Variants in PCDHGB1 observed in about 807,000 individuals in gnomAD.
PCDHGB1 encodes the protein protocadherin gamma-B1.
In PCDHGB1, 34 loss-of-function variants were observed where a neutral mutation model predicts 56.6. The observed-to-expected ratio is 0.60, with a 90% CI of 0.46 to 0.80. The LOEUF (loss-of-function observed/expected upper bound fraction) is 0.80, where lower values mean the gene tolerates loss of function less well. PCDHGB1 is among the 30% of genes least tolerant of loss of function. The pLI is 0.00. For synonymous variants in PCDHGB1, 561 were observed against 505.9 expected (o/e 1.11, Z -1.46); for missense variants, 1,278 against 1,204.6 (o/e 1.06, Z -0.90).
intron 1 of PCDHGB1, chr5:141,418,768 T>C (rs1216316680): frequency 6.2e-7 from 1 of 1,613,712 alleles, no homozygotes; most frequent in Non-Finnish European, 8.5e-7. Context: ...ACATTCTAAC[T>C]CAGCAGCCTT....
intron 1 of PCDHGB1, chr5:141,441,751 A>G (rs946329290): frequency 5.3e-6 from 2 of 378,094 alleles, no homozygotes; most frequent in African/African-American, 2.2e-5. Flanking sequence ...CTCGGCGTCA[A>G]CGTGAGCCTG....
intron 1 of PCDHGB1, chr5:141,395,523 C>A: frequency 7.5e-6 from 3 of 400,150 alleles, no homozygotes; most frequent in Non-Finnish European, 1.3e-5. Flanking sequence ...CCCGTCCATA[C>A]TGGTAATTTT....
At chr5:141,352,725 C>T (rs773412097) in intron 1 of PCDHGB1, 56 bp downstream of exon 1, 4 of 1,528,522 alleles carry the variant, frequency 2.6e-6, no homozygotes, top group Non-Finnish European at 3.5e-6. Flanking sequence ...CGCGGTGGCT[C>T]AAGCCTGTAA....
At chr5:141,398,023 G>C in intron 1 of PCDHGB1, 1 of 1,438,566 alleles carries the variant, frequency 7.0e-7, no homozygotes, top group Non-Finnish European at 9.3e-7. Context: ...TCCTAAACTG[G>C]AACTGGAACT....
chr5:141,357,010 C>T (rs1340112030), intron 1 of PCDHGB1: 2 of 1,614,032 alleles, frequency 1.2e-6, no homozygotes, highest in Admixed American at 3.3e-5. Flanking sequence ...GAATGCCTGG[C>T]TGTCCTACAG....
intron 1 of PCDHGB1, chr5:141,478,367 C>T (rs2099451272): frequency 1.2e-6 from 2 of 1,613,750 alleles, no homozygotes; most frequent in South Asian, 2.2e-5. Context: ...GCGGGGAGGC[C>T]TGATGTCGCC....
At chr5:141,366,324 C>G in intron 1 of PCDHGB1, 1 of 1,613,838 alleles carries the variant, frequency 6.2e-7, no homozygotes, top group Non-Finnish European at 8.5e-7. Context: ...GTTGCCGTGG[C>G]CGACAGGATC....
rs958652662 is a variant in PCDHGB1, at chr5:141,494,839, T to C, written c.2442T>C (p.Ser814=). 6.2e-7 allele frequency: 1 copy of C among 1,614,106 alleles called. No individual in the cohort carries two copies. Among genetic ancestry groups the C allele is most frequent in the Non-Finnish European group, 8.5e-7 (1 of 1,180,016 alleles). ...QAPPNTDWRF[S]QAQRPGTSGS... ...CGCCCAACACGGACTGGCGTTTCTC[T>C]CAGGCCCAGAGACCCGGCACCAGCG... The change falls in exon 2 of 4, where the codon TCT becomes TCC. Residue 814 remains serine (S), a synonymous_variant. Coordinates refer to ENST00000523390, the MANE Select transcript of PCDHGB1 (RefSeq NM_018922.3).
At chr5:141,434,337 C>T (rs939910421) in intron 1 of PCDHGB1, among the ~76,000 whole-genome samples, 13 of 152,230 alleles carry the variant, frequency 8.5e-5, no homozygotes, top group African/African-American at 2.4e-4. Context: ...CTCTTTGTGT[C>T]GGGAACAGGC....
intron 1 of PCDHGB1, among the ~76,000 whole-genome samples, chr5:141,381,616 A>G (rs187813287): frequency 6.6e-6 from 1 of 152,230 alleles, no homozygotes; most frequent in Non-Finnish European, 1.5e-5. Context: ...ACAGCCCAGT[A>G]GGATCTCTGC....
At chr5:141,413,858 G>A (rs751172785) in intron 1 of PCDHGB1, 28 of 1,613,140 alleles carry the variant, frequency 1.7e-5, no homozygotes, top group African/African-American at 4.0e-5. Context: ...CTCCGATCTG[G>A]CACTGTCCTT....
intron 1 of PCDHGB1, chr5:141,362,561 G>A (rs1416019755): frequency 1.2e-6 from 2 of 1,608,622 alleles, no homozygotes; most frequent in Middle Eastern, 1.7e-4. Context: ...TTGAAGGTGA[G>A]CTTTAATTAA....
In PCDHGB1 at chr5:141,385,264, G is replaced by C. The variant is rs879420336; in HGVS notation, c.2409+32595G>C. 3 of 1,613,712 alleles carry C rather than the reference G, an allele frequency of 1.9e-6. No individual in the cohort carries two copies. In the African/African-American group the frequency reaches 4.0e-5, roughly 22 times the overall value. The stretch of plus-strand genomic sequence containing the variant: ...CAGCCAGGAGAGCTGTGAGAAAAAT[G>C]ATTCTTTGCTAACATCCGTAGATTT... On this transcript the variant is annotated intron_variant, in intron 1 of 3. Transcript: ENST00000523390.
At chr5:141,467,167 C>T (rs2099138606) in intron 1 of PCDHGB1, among the ~76,000 whole-genome samples, 1 of 151,832 alleles carries the variant, frequency 6.6e-6, no homozygotes, top group Non-Finnish European at 1.5e-5. Context: ...ATTCTCATCT[C>T]TCAGCCTCCC....
At chr5:141,361,236 C>A in intron 1 of PCDHGB1, 3 of 1,613,946 alleles carry the variant, frequency 1.9e-6, no homozygotes, top group Non-Finnish European at 2.5e-6. Flanking sequence ...CAGTGATCGC[C>A]TTGATAAAAA....
intron 1 of PCDHGB1, chr5:141,364,707 T>C: frequency 5.6e-6 from 9 of 1,613,986 alleles, no homozygotes; most frequent in Non-Finnish European, 7.6e-6. Flanking sequence ...ATAATCGATA[T>C]TAATGATAAC....
chr5:141,492,501 G>A (rs551410616), intron 1 of PCDHGB1, among the ~76,000 whole-genome samples: 8 of 152,302 alleles, frequency 5.3e-5, no homozygotes, highest in East Asian at 1.9e-4. Flanking sequence ...CGAGGACTCC[G>A]GAGCCTCCTC....
chr5:141,462,070 G>C lies in PCDHGB1; in HGVS notation c.2410-32737G>C, dbSNP rs572217894. Among the ~76,000 whole-genome samples, 18 of 152,196 alleles carry C rather than the reference G, an allele frequency of 1.2e-4. No individual in the cohort carries two copies. In the South Asian group the frequency reaches 3.7e-3, roughly 32 times the overall value. On this transcript the variant is annotated intron_variant, in intron 1 of 3. Coordinates refer to ENST00000523390, the MANE Select transcript of PCDHGB1 (RefSeq NM_018922.3). ...ACTCCCGACCTCAGGTGATCTGCCC[G>C]CCTTGGCCTCCCAAAATGCTGGGAT...
Position 141,493,775 on chromosome 5 carries a change from G to A in PCDHGB1, c.2410-1032G>A, listed in dbSNP as rs1434978072. ...CCTTGAGTGAGCCACTGGCAGTTCCGGAGCTTCCTTCTCCCTGGAGTAATC... is the reference window on the plus strand; with the variant it reads ...CCTTGAGTGAGCCACTGGCAGTTCCAGAGCTTCCTTCTCCCTGGAGTAATC... On this transcript the variant is annotated intron_variant, in intron 1 of 3. Coordinates refer to ENST00000523390, the MANE Select transcript of PCDHGB1 (RefSeq NM_018922.3). The surrounding 1 kb of genome is among the most constrained non-coding windows in gnomAD (Gnocchi z 4.3). Among the ~76,000 whole-genome samples, 1 of 152,094 alleles carries A rather than the reference G, an allele frequency of 6.6e-6. No individual in the cohort carries two copies. The highest frequency in any genetic ancestry group is 6.5e-5 in the Admixed American group (1 of 15,272).
Sources: allele counts gnomAD v4.1 joint callset (sites outside exome capture counted in the v4.1 genomes callset), GRCh38; gene constraint gnomAD v4.1.1; non-coding constraint Gnocchi (gnomAD v3.1); transcripts MANE v1.5; gene names NCBI Gene and HGNC (gene_info 2026-07-23, HGNC 2026-07-21).